Variants in TUSC3 observed in about 807,000 individuals in gnomAD.
TUSC3 encodes dolichyl-diphosphooligosaccharide--protein glycosyltransferase subunit TUSC3.
Under a neutral mutation model 44.8 loss-of-function variants are expected in TUSC3, and 45 were observed. The observed-to-expected ratio is 1.00, with a 90% confidence interval of 0.79 to 1.29. The LOEUF is 1.29. TUSC3 is among the 50% of genes most tolerant of loss of function. The pLI is 0.00. For synonymous variants in TUSC3, 212 were observed against 152.9 expected (o/e 1.39, Z -2.85); for missense variants, 519 against 437.9 (o/e 1.19, Z -1.65).
intron 1 of TUSC3, among the ~76,000 whole-genome samples, chr8:15,448,722 A>T (rs961504543): frequency 3.3e-5 from 5 of 152,210 alleles, no homozygotes; most frequent in African/African-American, 1.2e-4. Flanking sequence ...TGAAACTAAA[A>T]ATGTTTTAAT....
intron 1 of TUSC3, among the ~76,000 whole-genome samples, chr8:15,612,653 A>G (rs1196907941): frequency 1.3e-5 from 2 of 152,196 alleles, no homozygotes; most frequent in Non-Finnish European, 2.9e-5. Context: ...AGGAATGGGC[A>G]TCTGAACGTA....
chr8:15,693,943 G>A lies in TUSC3; in HGVS notation c.798+20107G>A, dbSNP rs553534611. On this transcript the variant is annotated intron_variant, in intron 6 of 10. Transcript: ENST00000503731. ...GCTCATTTGTGCTGTTGATACTTGC[G>A]ATTGTATTCTGAAATTCTCTGAGTT... Among the ~76,000 whole-genome samples the A allele has an allele frequency of 5.3e-5, 8 of 151,980 alleles. No homozygotes were observed. The East Asian group carries it at 7.8e-4, about 15-fold the overall frequency.
chr8:15,714,093 A>C (rs1042266658), intron 6 of TUSC3, among the ~76,000 whole-genome samples: 1 of 152,064 alleles, frequency 6.6e-6, no homozygotes, highest in Non-Finnish European at 1.5e-5. Flanking sequence ...AGTAACATCT[A>C]CCTCTTTACT....
chr8:15,604,658 C>T (rs1804440940), intron 1 of TUSC3, among the ~76,000 whole-genome samples: 1 of 151,584 alleles, frequency 6.6e-6, no homozygotes, highest in Non-Finnish European at 1.5e-5. Flanking sequence ...TAGTTAATGC[C>T]AAGTGTTTCT....
At chr8:15,845,150 C>T in the TUSC3 span, among the ~76,000 whole-genome samples, 1 of 152,092 alleles carries the variant, frequency 6.6e-6, no homozygotes, top group Non-Finnish European at 1.5e-5. Flanking sequence ...TCATCATTAA[C>T]TTTAGGAGGT....
chr8:15,504,598 TATATATATATATATATATATATA>T lies in TUSC3; in HGVS notation n.189+21116_189+21138del, dbSNP rs1231311419. ...TTCAGGATATATATATATATATATA[TATATATATATATATATATATATA>T]TTTTTTTTTTTTTTTTTTTTTAAGT... On this transcript the variant is annotated intron_variant and non_coding_transcript_variant, in intron 2 of 5. Transcript: ENST00000503191. Among the ~76,000 whole-genome samples, 67 of 39,144 alleles carry T rather than the reference TATATATATATATATATATATATA, an allele frequency of 1.7e-3. 1 individual carries two copies. The highest frequency in any genetic ancestry group is 0.022 in the Middle Eastern group (2 of 90). 25.7% of individuals were successfully genotyped at this position (39,144 alleles called of 152,430 possible).
intron 2 of TUSC3, among the ~76,000 whole-genome samples, chr8:15,525,286 A>G (rs7007411): frequency 0.35 from 53,515 of 151,994 alleles, 10,658 homozygotes; most frequent in African/African-American, 0.55. Flanking sequence ...TGCTAGTGCC[A>G]TCTTTCTGGT....
At chr8:15,569,302 C>G (rs533001872) in intron 1 of TUSC3, among the ~76,000 whole-genome samples, 1 of 152,054 alleles carries the variant, frequency 6.6e-6, no homozygotes, top group Non-Finnish European at 1.5e-5. Context: ...TTTCTTGCTA[C>G]TTGCTGGAAA....
At chr8:15,762,194 G>C (rs1812191696) in intron 10 of TUSC3, among the ~76,000 whole-genome samples, 1 of 151,758 alleles carries the variant, frequency 6.6e-6, no homozygotes, top group African/African-American at 2.4e-5. Flanking sequence ...CCAGTGTCTT[G>C]AACAAATAAA....
the TUSC3 span, among the ~76,000 whole-genome samples, chr8:15,789,630 A>G: frequency 6.6e-6 from 1 of 151,602 alleles, no homozygotes; most frequent in Non-Finnish European, 1.5e-5. Flanking sequence ...ATATTTGTGT[A>G]TGCAGATATA....
chr8:15,507,188 C>G (rs1490333246), intron 2 of TUSC3, among the ~76,000 whole-genome samples: 1 of 152,196 alleles, frequency 6.6e-6, no homozygotes, highest in East Asian at 1.9e-4. Context: ...TATAGAGGAA[C>G]TTGGCTCTGC....
Position 15,765,104 on chromosome 8 carries a change from T to A in TUSC3, c.*948T>A, listed in dbSNP as rs186003243. 1 of 152,172 alleles carries A rather than the reference T, an allele frequency of 6.6e-6. No homozygotes were observed. The highest frequency in any genetic ancestry group is 2.4e-5 in the African/African-American group (1 of 41,572). The allele number at this position is 152,172 out of a possible 1,614,324, so 9.4% of individuals were successfully genotyped here. On this transcript the variant is annotated 3_prime_UTR_variant, in exon 11 of 11. Transcript: ENST00000503731. ...AACATAGGAGTGTAATGTACTATTATGTTTGTATCCTGTTTTAGTTTATAA... is the reference window on the plus strand; with the variant it reads ...AACATAGGAGTGTAATGTACTATTAAGTTTGTATCCTGTTTTAGTTTATAA...
At chr8:15,501,613 T>C (rs1371809670) in intron 2 of TUSC3, among the ~76,000 whole-genome samples, 1 of 152,212 alleles carries the variant, frequency 6.6e-6, no homozygotes, top group Non-Finnish European at 1.5e-5. Context: ...CAATGGTTTA[T>C]GGCAATGGGC....
chr8:15,503,886 A>G (rs559726320), intron 2 of TUSC3, among the ~76,000 whole-genome samples: 1 of 151,980 alleles, frequency 6.6e-6, no homozygotes, highest in South Asian at 2.1e-4. Flanking sequence ...GTGGTGGTGC[A>G]CACCTGTAAT....
chr8:15,673,362 G>C (rs1238029494), intron 5 of TUSC3, among the ~76,000 whole-genome samples: 1 of 152,058 alleles, frequency 6.6e-6, no homozygotes, highest in African/African-American at 2.4e-5. Context: ...ATGATGTTTA[G>C]AGGATATAGA....
At chr8:15,827,375 A>G in the TUSC3 span, among the ~76,000 whole-genome samples, 1 of 152,212 alleles carries the variant, frequency 6.6e-6, no homozygotes, top group African/African-American at 2.4e-5. Context: ...ATATTCATGA[A>G]TATTCTTTTA....
Position 15,513,763 on chromosome 8 carries a change from G to A in TUSC3, n.189+30280G>A, listed in dbSNP as rs755736588. Among the ~76,000 whole-genome samples, 4 of 152,190 alleles carry A rather than the reference G, an allele frequency of 2.6e-5. No homozygotes were observed. The South Asian group carries it at 6.2e-4, about 24-fold the overall frequency. On this transcript the variant is annotated intron_variant and non_coding_transcript_variant, in intron 2 of 5. Transcript: ENST00000503191. ...CAGGTTGGCTCTGGGGACAGAGGAG[G>A]CGTCTCAGGTACGTGACAAAACTCT...
the TUSC3 span, among the ~76,000 whole-genome samples, chr8:15,788,275 G>C: frequency 2.0e-5 from 3 of 152,180 alleles, no homozygotes; most frequent in African/African-American, 7.2e-5. Flanking sequence ...TTATTTAAGA[G>C]TTAAATTTTA....
chr8:15,795,412 G>A, the TUSC3 span, among the ~76,000 whole-genome samples: 11 of 152,140 alleles, frequency 7.2e-5, no homozygotes, highest in Admixed American at 4.6e-4. Flanking sequence ...GACAAATTTT[G>A]TATCACCATT....
Sources: allele counts gnomAD v4.1 joint callset (sites outside exome capture counted in the v4.1 genomes callset), GRCh38; gene constraint gnomAD v4.1.1; transcripts MANE v1.5; gene names NCBI Gene and HGNC (gene_info 2026-07-23, HGNC 2026-07-21).